The following ZC3H15 variants were observed in gnomAD, a reference collection of about 807,000 sequenced individuals.
The protein encoded by ZC3H15 is zinc finger CCCH domain-containing protein 15.
Under a neutral mutation model 51.2 loss-of-function variants are expected in ZC3H15, and 15 were observed. The observed-to-expected ratio is 0.29, with a 90% CI of 0.20 to 0.45. The LOEUF (loss-of-function observed/expected upper bound fraction) is 0.45. Among genes scored for constraint, ZC3H15 ranks in the 20% least tolerant of loss-of-function variants. The probability of loss-of-function intolerance (pLI) is 1.00; values close to 1 mark genes in which losing one functional copy is unlikely to be tolerated. For synonymous variants in ZC3H15, 144 were observed against 162.8 expected, an observed-to-expected ratio of 0.88 and a Z score of 0.88; for missense variants, 381 against 494.7, an observed-to-expected ratio of 0.77 and a Z score of 2.18.
intron 8 of ZC3H15, among the ~76,000 whole-genome samples, 190 bp from the exon 9 acceptor site, chr2:186,506,523 G>A (rs1253858668): frequency 6.6e-6 from 1 of 152,116 alleles, no homozygotes; most frequent in African/African-American, 2.4e-5. Flanking sequence ...AAACTCCTAA[G>A]CCCAGGTGAT....
chr2:186,506,468 T>A (rs994165207), intron 8 of ZC3H15, among the ~76,000 whole-genome samples: 1 of 152,174 alleles, frequency 6.6e-6, no homozygotes, highest in Non-Finnish European at 1.5e-5. Context: ...TTTGTTTTTG[T>A]TTTTTATAGA....
intron 6 of ZC3H15, among the ~76,000 whole-genome samples, chr2:186,504,788 A>G (rs1685442394): frequency 6.6e-6 from 1 of 152,346 alleles, no homozygotes. Context: ...ATTAAAAACT[A>G]TATCCATTTT....
chr2:186,505,668 G>A (rs1325359734), intron 7 of ZC3H15, 71 bp downstream of exon 7: 9 of 1,603,252 alleles, frequency 5.6e-6, no homozygotes, highest in Middle Eastern at 1.7e-4. Context: ...GCAAGATTTT[G>A]TTTCTATTTC....
In ZC3H15 at chr2:186,509,217, G is replaced by T; in HGVS notation, c.*484G>T. On this transcript the variant is annotated 3_prime_UTR_variant, in exon 10 of 10. Coordinates refer to ENST00000337859, the MANE Select transcript of ZC3H15 (RefSeq NM_018471.3). The stretch of plus-strand genomic sequence containing the variant: ...TGCAGATTCAGTATTGTGTATCTTT[G>T]GACAATTAGATGGACATTTAAAATG... The T allele has an allele frequency of 4.1e-6, 1 of 244,498 alleles. No homozygotes were observed. Among genetic ancestry groups the T allele is most frequent in the Non-Finnish European group, 8.2e-6 (1 of 122,376 alleles). The allele number at this position is 244,498 out of a possible 1,614,324, so 15.1% of individuals were successfully genotyped here. A position where few individuals can be genotyped will look rare whatever the true frequency, so the allele number is the denominator to read the frequency against.
chr2:186,489,153 C>A (rs1375553317), intron 1 of ZC3H15: 2 of 152,190 alleles, frequency 1.3e-5, no homozygotes, highest in Non-Finnish European at 2.9e-5. Flanking sequence ...CTTTTATGTT[C>A]TGGTCCAGGG....
intron 1 of ZC3H15, among the ~76,000 whole-genome samples, chr2:186,487,751 C>T (rs1032532780): frequency 1.3e-5 from 2 of 152,090 alleles, no homozygotes; most frequent in Non-Finnish European, 2.9e-5. Context: ...TTAGGGATGT[C>T]GTTTTCCTCG....
intron 1 of ZC3H15, among the ~76,000 whole-genome samples, chr2:186,493,461 G>C (rs935835523): frequency 6.6e-6 from 1 of 152,116 alleles, no homozygotes; most frequent in African/African-American, 2.4e-5. Context: ...TCTTTCTCCA[G>C]AGAACCAGAA....
intron 2 of ZC3H15, among the ~76,000 whole-genome samples, chr2:186,496,482 G>A (rs748895337): frequency 1.2e-4 from 19 of 152,204 alleles, no homozygotes; most frequent in African/African-American, 2.7e-4. Flanking sequence ...GATTACACAC[G>A]TGAGCCACCA....
Position 186,509,136 on chromosome 2 carries a change from A to G in ZC3H15, c.*403A>G, listed in dbSNP as rs1175225313. ...GTGATTTAATTTCCTCTGTATTTGT[A>G]TGTTTAGAAGACTGCCTAAAACATG... On this transcript the variant is annotated 3_prime_UTR_variant, in exon 10 of 10. Transcript: ENST00000337859. 1 of 446,662 alleles carries G rather than the reference A, an allele frequency of 2.2e-6. No individual in the cohort carries two copies. The highest frequency in any genetic ancestry group is 2.4e-5 in the Admixed American group (1 of 41,164). The allele number at this position is 446,662 out of a possible 1,614,324, so 27.7% of individuals were successfully genotyped here.
intron 1 of ZC3H15, among the ~76,000 whole-genome samples, chr2:186,493,786 A>G (rs1685236161): frequency 6.6e-6 from 1 of 151,176 alleles, no homozygotes. Flanking sequence ...CTTATATAGC[A>G]GTGTCACTCT....
At chr2:186,496,434 C>T (rs1685283584) in intron 2 of ZC3H15, among the ~76,000 whole-genome samples, 1 of 152,108 alleles carries the variant, frequency 6.6e-6, no homozygotes, top group African/African-American at 2.4e-5. Flanking sequence ...CCCAGGGTGG[C>T]CTCACAATCC....
At position 186,508,988 on chromosome 2, in the gene ZC3H15, T is replaced by C; in HGVS notation, c.*255T>C. 1 of 579,110 alleles carries C rather than the reference T, an allele frequency of 1.7e-6. No individual in the cohort carries two copies. Among genetic ancestry groups the C allele is most frequent in the Non-Finnish European group, 3.2e-6 (1 of 308,546 alleles). The allele number at this position is 579,110 out of a possible 1,614,324, so 35.9% of individuals were successfully genotyped here. A position where few individuals can be genotyped will look rare whatever the true frequency, so the allele number is the denominator to read the frequency against. ...TGCAGAAAATGATTGATGTTGTAAC[T>C]GTCCACCCAAGTAAGAAGTGTATCT... is the stretch of plus-strand genomic sequence containing the variant. On this transcript the variant is annotated 3_prime_UTR_variant, in exon 10 of 10. Coordinates refer to ENST00000337859, the MANE Select transcript of ZC3H15 (RefSeq NM_018471.3).
rs931167246 is a variant in ZC3H15 at position 186,491,276 on chromosome 2, C to T, written c.76-3957C>T. ...ATATCATCTGTCACTTAATAGTTAA[C>T]ATTTACTGGCCCAGACAAGGTTCTC... is the stretch of plus-strand genomic sequence containing the variant. On this transcript the variant is annotated intron_variant, in intron 1 of 9. Transcript: ENST00000337859. 1.8e-4 allele frequency among the ~76,000 whole-genome samples: 27 copies of T among 152,060 alleles called. 1 individual carries two copies. The highest frequency in any genetic ancestry group is 1.4e-3 in the Admixed American group (22 of 15,258).
chr2:186,499,368 C>CT (rs1290528972), intron 2 of ZC3H15, among the ~76,000 whole-genome samples: 3 of 152,180 alleles, frequency 2.0e-5, no homozygotes, highest in Non-Finnish European at 1.5e-5. Context: ...GTTTCTCATA[C>CT]TTTATTCCTC....
intron 1 of ZC3H15, 100 bp from the exon 2 acceptor site, chr2:186,495,133 A>G (rs2105587748): frequency 4.4e-6 from 3 of 679,238 alleles, no homozygotes; most frequent in East Asian, 6.8e-5. Flanking sequence ...TATATTAGTA[A>G]AGAATAATTA....
intron 3 of ZC3H15, 112 bp downstream of exon 3, chr2:186,500,405 AAATG>A: frequency 1.1e-6 from 1 of 932,122 alleles, no homozygotes. Context: ...GTCTGAATGA[AAATG>A]TTACTCCATC....
At chr2:186,492,196 C>T (rs1196708684) in intron 1 of ZC3H15, among the ~76,000 whole-genome samples, 2 of 152,104 alleles carry the variant, frequency 1.3e-5, no homozygotes, top group Non-Finnish European at 2.9e-5. Flanking sequence ...GCTGTTTAAT[C>T]CTGATCATAT....
intron 9 of ZC3H15, chr2:186,507,540 A>T (rs1685488044): frequency 2.2e-6 from 1 of 453,646 alleles, no homozygotes; most frequent in Non-Finnish European, 4.4e-6. Flanking sequence ...ATAAATAATG[A>T]GTTAGGTATG....
chr2:186,497,247 A>C (rs1008856050), intron 2 of ZC3H15: 2 of 355,356 alleles, frequency 5.6e-6, no homozygotes, highest in Non-Finnish European at 1.1e-5. Flanking sequence ...AAATCTGCTA[A>C]TATGTATTTG....
Sources: allele counts gnomAD v4.1 joint callset (sites outside exome capture counted in the v4.1 genomes callset), GRCh38; gene constraint gnomAD v4.1.1; transcripts MANE v1.5; gene names NCBI Gene and HGNC (gene_info 2026-07-23, HGNC 2026-07-21).